The following ARHGAP27 variants were observed in gnomAD, a reference collection of about 807,000 sequenced individuals.
The protein encoded by ARHGAP27 is Rho GTPase activating protein 27.
Under a neutral mutation model 102.0 loss-of-function variants are expected in ARHGAP27, and 53 were observed. The observed-to-expected ratio is 0.52, with a 90% CI of 0.42 to 0.65. The LOEUF (loss-of-function observed/expected upper bound fraction) is 0.65. Ranked by LOEUF, ARHGAP27 falls within the 30% of genes least tolerant of loss-of-function variation. ARHGAP27 has a pLI of 0.00. For missense variants in ARHGAP27, 1,117 were observed against 1,256.2 expected (o/e 0.89, Z 1.68); for synonymous variants, 525 against 542.8 (o/e 0.97, Z 0.46).
Position 45,405,099 on chromosome 17 carries a change from G to A in ARHGAP27, c.1073C>T (p.Thr358Ile). Residue 358 changes from threonine (T) to isoleucine (I), a missense_variant, in exon 6 of 20, where the codon ACT becomes ATT. Coordinates refer to ENST00000685559, the MANE Select transcript of ARHGAP27 (RefSeq NM_001282290.2). ...CGACTCGGGGTAGTCCGTCTCGGGA[G>A]TGGGGGGCTGCGGGGAACAGAAGGT... The part of the protein sequence containing the change: ...PGSPGDPRPP[T>I]PETDYPESLT... The A allele has an allele frequency of 6.3e-7, 1 of 1,578,726 alleles. No homozygotes were observed.
chr17:45,396,568 C>T lies in ARHGAP27; in HGVS notation c.2092G>A (p.Ala698Thr), dbSNP rs533078667. The change falls in exon 16 of 20, where the codon GCG becomes ACG. Residue 698 changes from alanine (A) to threonine (T), a missense_variant. By Grantham distance (58) the Ala-to-Thr change is moderately conservative (BLOSUM62 0). This residue lies in a region of ARHGAP27 where 493 missense variants were observed against 505.5 expected (regional missense o/e 0.98). Transcript: ENST00000685559. Reference protein sequence around the residue: ...GYIKDQVFGCALAALCERERS... With the variant: ...GYIKDQVFGCTLAALCERERS... Reference sequence around the variant, plus strand: ...TCGCGCTCACACAGCGCGGCCAGCGCGCAGCCGAACACCTGGTCTAGGGCA... The same window carrying T: ...TCGCGCTCACACAGCGCGGCCAGCGTGCAGCCGAACACCTGGTCTAGGGCA... The T allele has an allele frequency of 7.5e-6, 12 of 1,604,414 alleles. No homozygotes were observed. In the East Asian group the frequency reaches 1.1e-4, roughly 15 times the overall value.
At chr17:45,406,614 T>A (rs1175967573) in intron 4 of ARHGAP27, among the ~76,000 whole-genome samples, 1 of 152,210 alleles carries the variant, frequency 6.6e-6, no homozygotes, top group Non-Finnish European at 1.5e-5. Flanking sequence ...TGAGAAGTGG[T>A]CTGGGGCGTG....
Position 45,396,494 on chromosome 17 carries a change from C to A in ARHGAP27, c.2166G>T (p.Glu722Asp), listed in dbSNP as rs1200408213. 6.5e-7 allele frequency: 1 copy of A among 1,542,964 alleles called. No individual in the cohort carries two copies. The highest frequency in any genetic ancestry group is 8.7e-7 in the Non-Finnish European group (1 of 1,149,970). ...CCCCCGCAGCGCACGTACCGCGGGC[C>A]TCGACGGCGCGGATGCACTGCTGCA... ...RFVQQCIRAV[E>D]ARGLDIDGLY... The change falls in exon 16 of 20, where the codon GAG (glutamate) becomes GAT (aspartate). Residue 722 changes from glutamate to aspartate, a missense_variant. By Grantham distance (45) the Glu-to-Asp change is conservative. Around this residue, in one of 3 missense-constraint regions of ARHGAP27, gnomAD observed 493 missense variants for 505.5 expected, o/e 0.98. Transcript: ENST00000685559.
chr17:45,406,162 G>C, intron 4 of ARHGAP27, 79 bp from the exon 5 acceptor site: 1 of 1,374,088 alleles, frequency 7.3e-7, no homozygotes, highest in Non-Finnish European at 9.6e-7. Context: ...TGGGCAGTGC[G>C]ATTATAGGGG....
intron 12 of ARHGAP27, among the ~76,000 whole-genome samples, chr17:45,402,207 A>G (rs2046522987): frequency 6.6e-6 from 1 of 152,058 alleles, no homozygotes; most frequent in Non-Finnish European, 1.5e-5. Context: ...AGGTTTCCCA[A>G]CCAGGCCTGT....
intron 10 of ARHGAP27, 135 bp from the exon 11 acceptor site, chr17:45,403,844 C>G (rs2046777983): frequency 2.0e-6 from 2 of 980,530 alleles, no homozygotes; most frequent in Non-Finnish European, 3.1e-6. Context: ...GGAATCCCGA[C>G]TCTAACACCT....
Position 45,395,046 on chromosome 17 carries a change from C to G in ARHGAP27, c.*410G>C, listed in dbSNP as rs1327907528. ...AGTGCCAGCACAGGGCCAGGGCCCA[C>G]AGGGTCTCTGTGAAGGCCTCCACGA... On this transcript the variant is annotated 3_prime_UTR_variant, in exon 20 of 20. Coordinates refer to ENST00000685559, the MANE Select transcript of ARHGAP27 (RefSeq NM_001282290.2). 1.7e-5 allele frequency: 4 copies of G among 231,432 alleles called. No homozygotes were observed. The highest frequency in any genetic ancestry group is 3.4e-5 in the Non-Finnish European group (4 of 116,824). 14.3% of individuals were successfully genotyped at this position (231,432 alleles called of 1,614,324 possible).
rs2047104865 is a variant in ARHGAP27 at position 45,405,901 on chromosome 17, C to T, written c.840G>A (p.Glu280=). 2 of 1,535,996 alleles carry T rather than the reference C, an allele frequency of 1.3e-6. No individual in the cohort carries two copies. Among genetic ancestry groups the T allele is most frequent in the Middle Eastern group, 1.7e-4 (1 of 5,990 alleles). ...CTGGGCTGGCGGCACCCTCGGCAGC[C>T]TCAAAGGGCGACTCCCAGGTGGTAA... ...TGVTTWESPF[E]AAEGAASPAT... The change falls in exon 5 of 20, where the codon GAG becomes GAA. Residue 280 remains glutamate (E), a synonymous_variant. Transcript: ENST00000685559.
In ARHGAP27 at chr17:45,404,914, C is replaced by T. The variant is rs1254178739; in HGVS notation, c.1248+10G>A. 6.2e-7 allele frequency: 1 copy of T among 1,614,172 alleles called. No homozygotes were observed. The highest frequency in any genetic ancestry group is 8.5e-7 in the Non-Finnish European group (1 of 1,180,012). ...GAGGCTGTCCGGGTCCATCTGCCCC[C>T]TGCCCCTACCTGCTCCTGAGTGAAG... On this transcript the variant is annotated intron_variant, in intron 6 of 19. Transcript: ENST00000685559.
Position 45,395,774 on chromosome 17 carries a change from G to A in ARHGAP27, c.2462C>T (p.Thr821Ile). The A allele has an allele frequency of 3.7e-6, 6 of 1,603,376 alleles. No homozygotes were observed. The highest frequency in any genetic ancestry group is 2.2e-5 in the East Asian group (1 of 44,516). ...VRSLPAPNHDTLRMLFQHLCR... is the reference protein window; with the variant it reads ...VRSLPAPNHDILRMLFQHLCR... ...GAGGTGCTGGAAGAGCATCCGCAGA[G>A]TGTCGTGGTTGGGAGCGGGCAGCGA... Residue 821 changes from threonine to isoleucine, a missense_variant, in exon 19 of 20, where the codon ACT (threonine) becomes ATT (isoleucine). Around this residue, in one of 3 missense-constraint regions of ARHGAP27, gnomAD observed 493 missense variants for 505.5 expected, o/e 0.98. Coordinates refer to ENST00000685559, the MANE Select transcript of ARHGAP27 (RefSeq NM_001282290.2).
chr17:45,429,478 G>A (rs770266414), intron 4 of ARHGAP27, 145 bp downstream of exon 4: 4 of 1,490,466 alleles, frequency 2.7e-6, no homozygotes. Context: ...CGCGGTTGGG[G>A]AGAGGGAGCT....
At chr17:45,426,131 A>T (rs2049572173) in intron 4 of ARHGAP27, among the ~76,000 whole-genome samples, 1 of 152,110 alleles carries the variant, frequency 6.6e-6, no homozygotes, top group Non-Finnish European at 1.5e-5. Context: ...GCTGAAACTG[A>T]ACCTGCTGGC....
intron 4 of ARHGAP27, 177 bp downstream of exon 4, chr17:45,429,446 C>T: frequency 7.0e-7 from 1 of 1,436,532 alleles, no homozygotes; most frequent in South Asian, 1.5e-5. Context: ...TGAGGGACTG[C>T]GGGCGTGCAC....
chr17:45,422,249 C>A (rs1384461984), intron 4 of ARHGAP27, among the ~76,000 whole-genome samples: 2 of 145,664 alleles, frequency 1.4e-5, no homozygotes, highest in African/African-American at 2.5e-5. Flanking sequence ...ACAAAAAATA[C>A]CAAAAAAAAA....
At chr17:45,412,998 T>TTC in intron 4 of ARHGAP27, among the ~76,000 whole-genome samples, 1 of 126,638 alleles carries the variant, frequency 7.9e-6, no homozygotes, top group Non-Finnish European at 1.7e-5. Flanking sequence ...TTTTTTTTTT[T>TTC]TAATGGAGTC....
At chr17:45,414,811 C>T (rs1359383569) in intron 4 of ARHGAP27, among the ~76,000 whole-genome samples, 2 of 46 alleles carry the variant, frequency 0.043, no homozygotes, top group Non-Finnish European at 0.1. Flanking sequence ...GAAATCCCAG[C>T]ACTTTGGAGG....
chr17:45,395,241 G>A lies in ARHGAP27; in HGVS notation c.*215C>T, dbSNP rs1597745580. ...CCCCAAACAGGACGTGACGGGAAGG[G>A]AAGGGGGGATGGGGAGTTGGGAAGA... On this transcript the variant is annotated 3_prime_UTR_variant, in exon 20 of 20. Transcript: ENST00000685559. 1 of 613,822 alleles carries A rather than the reference G, an allele frequency of 1.6e-6. No homozygotes were observed. Among genetic ancestry groups the A allele is most frequent in the Non-Finnish European group, 2.8e-6 (1 of 357,124 alleles). The allele number at this position is 613,822 out of a possible 1,614,324, so 38.0% of individuals were successfully genotyped here. A position where few individuals can be genotyped will look rare whatever the true frequency, so the allele number is the denominator to read the frequency against.
chr17:45,416,020 G>A (rs2144804690), intron 4 of ARHGAP27, among the ~76,000 whole-genome samples: 1 of 151,970 alleles, frequency 6.6e-6, no homozygotes, highest in African/African-American at 2.4e-5. Context: ...AGAGATGCAT[G>A]CTGAAGTTTT....
At position 45,406,055 on chromosome 17, in the gene ARHGAP27, G is replaced by A. The variant is rs1049222325; in HGVS notation, c.686C>T (p.Ala229Val). 3.9e-6 allele frequency: 6 copies of A among 1,527,466 alleles called. No homozygotes were observed. The highest frequency in any genetic ancestry group is 2.0e-5 in the Admixed American group (1 of 50,474). The allele number at this position is 1,527,466 out of a possible 1,614,324, so 94.6% of individuals were successfully genotyped here. A position where few individuals can be genotyped will look rare whatever the true frequency, so the allele number is the denominator to read the frequency against. ...GGCCCGGGGCTGCCTCTCTATGTTCGCGTACACGGGCTCCGGTGGGTCGTC... is the reference window on the plus strand; with the variant it reads ...GGCCCGGGGCTGCCTCTCTATGTTCACGTACACGGGCTCCGGTGGGTCGTC... ...QVDDPPEPVY[A>V]NIERQPRATS... is the part of the protein sequence containing the mutation. Residue 229 changes from alanine (A) to valine (V), a missense_variant, in exon 5 of 20, where the codon GCG becomes GTG. Ala to Val is a moderately conservative substitution (Grantham distance 64, BLOSUM62 0). Coordinates refer to ENST00000685559, the MANE Select transcript of ARHGAP27 (RefSeq NM_001282290.2).
Sources: allele counts gnomAD v4.1 joint callset (sites outside exome capture counted in the v4.1 genomes callset), GRCh38; gene constraint gnomAD v4.1.1; regional missense constraint gnomAD v4.1.1; transcripts MANE v1.5; gene names NCBI Gene and HGNC (gene_info 2026-07-23, HGNC 2026-07-21).